Variants in TBC1D2B observed in about 807,000 individuals in gnomAD.
TBC1D2B encodes the protein TBC1 domain family member 2B, also known as TBC1 domain family, member 2B.
Under a neutral mutation model 100.8 loss-of-function variants are expected in TBC1D2B, and 64 were observed. The ratio of observed to expected loss-of-function variants is 0.64; its 90% CI spans 0.52 to 0.78. The LOEUF (loss-of-function observed/expected upper bound fraction) is 0.78, where lower values mean the gene tolerates loss of function less well. Ranked by LOEUF, TBC1D2B falls within the 30% of genes least tolerant of loss-of-function variation. The pLI is 0.00. For missense variants in TBC1D2B, 1,052 were observed against 1,218.4 expected (o/e 0.86, Z 2.03); for synonymous variants, 480 against 479.7 (o/e 1.00, Z -0.01).
intron 11 of TBC1D2B, 184 bp downstream of exon 11, chr15:78,003,121 A>G: frequency 1.8e-6 from 1 of 568,610 alleles, no homozygotes; most frequent in Admixed American, 3.0e-5. Context: ...TTTCTGATAC[A>G]TGAACAAATG....
intron 9 of TBC1D2B, among the ~76,000 whole-genome samples, chr15:78,011,160 C>T (rs2072212293): frequency 1.3e-5 from 2 of 152,140 alleles, no homozygotes; most frequent in Non-Finnish European, 2.9e-5. Flanking sequence ...TCCCTTTCAC[C>T]TTCTGAGGGC....
At chr15:78,053,617 G>A (rs2073359988) in intron 2 of TBC1D2B, among the ~76,000 whole-genome samples, 1 of 152,240 alleles carries the variant, frequency 6.6e-6, no homozygotes, top group African/African-American at 2.4e-5. Context: ...AGAAACACTA[G>A]AGAATTACAA....
chr15:78,030,001 T>C lies in TBC1D2B; in HGVS notation c.847+6A>G, dbSNP rs1408107114. 2 of 1,604,218 alleles carry C rather than the reference T, an allele frequency of 1.2e-6. No homozygotes were observed. Among genetic ancestry groups the C allele is most frequent in the Admixed American group, 1.7e-5 (1 of 58,026 alleles). On this transcript the variant is annotated splice_donor_region_variant and intron_variant, in intron 4 of 12. Coordinates refer to ENST00000300584, the MANE Select transcript of TBC1D2B (RefSeq NM_144572.2). ...GAATGACAGACAACAGGAAGTACAT[T>C]GATACCTTTGTTTCCTTCAGGGGTC...
At chr15:78,065,893 T>A in intron 1 of TBC1D2B, 1 of 388,100 alleles carries the variant, frequency 2.6e-6, no homozygotes, top group Admixed American at 2.5e-5. Flanking sequence ...TTTACAGGAA[T>A]GTTTGGGAAC....
chr15:78,003,221 T>C (rs1454040162), intron 11 of TBC1D2B, 84 bp downstream of exon 11: 2 of 1,291,344 alleles, frequency 1.5e-6, no homozygotes, highest in Non-Finnish European at 2.2e-6. Context: ...AAGTTCCAGG[T>C]GAGCCAGCCG....
intron 1 of TBC1D2B, among the ~76,000 whole-genome samples, chr15:78,072,596 A>T (rs1035972341): frequency 2.6e-5 from 4 of 152,250 alleles, no homozygotes; most frequent in African/African-American, 9.6e-5. Context: ...GAATAGGGGT[A>T]CACAGCTATT....
At position 78,040,851 on chromosome 15, in the gene TBC1D2B, A is replaced by AAAGGAAGG. The variant is rs1188570411; in HGVS notation, c.683+4048_683+4049insCCTTCCTT. Among the ~76,000 whole-genome samples the AAAGGAAGG allele has an allele frequency of 6.3e-4, 85 of 134,304 alleles. 2 individuals carry two copies. The highest frequency in any genetic ancestry group is 9.2e-4 in the Admixed American group (12 of 13,038). The allele number at this position is 134,304 out of a possible 152,430, so 88.1% of individuals were successfully genotyped here. On this transcript the variant is annotated intron_variant, in intron 3 of 12. Transcript: ENST00000300584. ...GGAAAGAAAGAAAAAAGAAAGAAAG[A>AAAGGAAGG]AAGGAAGAAAGAAAGAAAGAAAGAA...
intron 1 of TBC1D2B, among the ~76,000 whole-genome samples, chr15:78,058,039 C>T (rs1486483049): frequency 2.6e-5 from 4 of 152,320 alleles, no homozygotes; most frequent in African/African-American, 7.2e-5. Flanking sequence ...CCTAGCCAGA[C>T]GTGACTACTG....
chr15:78,027,829 C>T (rs569893599), intron 4 of TBC1D2B, among the ~76,000 whole-genome samples: 6 of 152,330 alleles, frequency 3.9e-5, no homozygotes, highest in Non-Finnish European at 7.3e-5. Flanking sequence ...ATTATCAGCT[C>T]GTACTGAGCC....
At position 78,013,011 on chromosome 15, in the gene TBC1D2B, G is replaced by A; in HGVS notation, c.2082C>T (p.Thr694=). 6.2e-7 allele frequency: 1 copy of A among 1,605,098 alleles called. No individual in the cohort carries two copies. Among genetic ancestry groups the A allele is most frequent in the Non-Finnish European group, 8.5e-7 (1 of 1,172,614 alleles). The change falls in exon 9 of 13, where the codon ACC becomes ACT. Residue 694 remains threonine (T), a synonymous_variant. Transcript: ENST00000300584. ...GTTTCTCCAGCGCCTTCTGCAGCAAGGTCTGGAAGTGGCCAGGCTCAGTGT... is the reference window on the plus strand; with the variant it reads ...GTTTCTCCAGCGCCTTCTGCAGCAAAGTCTGGAAGTGGCCAGGCTCAGTGT... ...KDNTEPGHFQ[T]LLQKALEKQN...
intron 10 of TBC1D2B, among the ~76,000 whole-genome samples, chr15:78,004,487 C>A (rs1031597585): frequency 2.0e-5 from 3 of 152,244 alleles, no homozygotes; most frequent in Non-Finnish European, 2.9e-5. Flanking sequence ...GGAGTCAAGA[C>A]GCTATCCTGT....
chr15:78,009,495 G>A (rs933372086), intron 9 of TBC1D2B, among the ~76,000 whole-genome samples: 2 of 151,340 alleles, frequency 1.3e-5, no homozygotes, highest in East Asian at 1.9e-4. Flanking sequence ...AATGATAATC[G>A]CACTACTGCA....
rs373541654 is a variant in TBC1D2B, at chr15:78,024,248, C to G, written c.1378G>C (p.Gly460Arg). Residue 460 changes from glycine to arginine, a missense_variant, in exon 6 of 13, where the codon GGC (glycine) becomes CGC (arginine). Gly to Arg is a moderately radical substitution (Grantham distance 125, BLOSUM62 -2). Around this residue, in one of 4 missense-constraint regions of TBC1D2B, gnomAD observed 627 missense variants for 646.1 expected, o/e 0.97. Coordinates refer to ENST00000300584, the MANE Select transcript of TBC1D2B (RefSeq NM_144572.2). ...GTGGGAGGAGGCCCGTTGCCCTCGC[C>G]CTCGCTGAGCTTGATGATGACCTCG... The part of the protein sequence containing the change: ...KDEVIIKLSE[G>R]EGNGPPPTVA... 1 of 1,613,960 alleles carries G rather than the reference C, an allele frequency of 6.2e-7. No homozygotes were observed. Among genetic ancestry groups the G allele is most frequent in the Non-Finnish European group, 8.5e-7 (1 of 1,179,880 alleles).
At chr15:77,998,612 C>A (rs2071828059) in intron 12 of TBC1D2B, 1 of 441,818 alleles carries the variant, frequency 2.3e-6, no homozygotes, top group Non-Finnish European at 4.1e-6. Context: ...AGTCACCCCC[C>A]TTTTCTGGCC....
intron 11 of TBC1D2B, 162 bp downstream of exon 11, chr15:78,003,143 C>T: frequency 1.7e-6 from 1 of 601,674 alleles, no homozygotes; most frequent in Non-Finnish European, 2.9e-6. Context: ...CTGTGGTTTC[C>T]TGATACCCTG....
chr15:78,000,324 C>T (rs868470653), intron 12 of TBC1D2B, among the ~76,000 whole-genome samples: 14 of 152,226 alleles, frequency 9.2e-5, no homozygotes, highest in African/African-American at 2.7e-4. Flanking sequence ...CGCCCACTCA[C>T]CTCCGCTCCT....
chr15:78,031,831 T>A (rs2072823642), intron 3 of TBC1D2B, among the ~76,000 whole-genome samples: 1 of 152,144 alleles, frequency 6.6e-6, no homozygotes, highest in African/African-American at 2.4e-5. Flanking sequence ...AAACCATGGT[T>A]TTTGGATATT....
Position 77,995,214 on chromosome 15 carries a change from C to T in TBC1D2B, c.*2946G>A, listed in dbSNP as rs1224391378. ...GGCAGGCCCAGCTGCCCAGAAGCCC[C>T]GGAACACACAGGAAGACAACACTAT... On this transcript the variant is annotated 3_prime_UTR_variant, in exon 13 of 13. Coordinates refer to ENST00000300584, the MANE Select transcript of TBC1D2B (RefSeq NM_144572.2). The T allele has an allele frequency of 6.6e-6, 1 of 152,114 alleles. No individual in the cohort carries two copies. Among genetic ancestry groups the T allele is most frequent in the African/African-American group, 2.4e-5 (1 of 41,432 alleles). The allele number at this position is 152,114 out of a possible 1,614,324, so 9.4% of individuals were successfully genotyped here. A position where few individuals can be genotyped will look rare whatever the true frequency, so the allele number is the denominator to read the frequency against.
chr15:78,024,346 C>G lies in TBC1D2B; in HGVS notation c.1280G>C (p.Arg427Thr), dbSNP rs775860651. ...CTCGCCCACTTTGCTCTTCAGCGTC[C>G]TTACTTCCTGCTGAAGACTCTCCTT... ...LEKESLQQEV[R>T]TLKSKVGELN... is the part of the protein sequence containing the mutation. Residue 427 changes from arginine to threonine, a missense_variant, in exon 6 of 13, where the codon AGG (arginine) becomes ACG (threonine). By Grantham distance (71) the Arg-to-Thr change is moderately conservative. Transcript: ENST00000300584. The G allele has an allele frequency of 1.9e-6, 3 of 1,614,080 alleles. No homozygotes were observed. The highest frequency in any genetic ancestry group is 3.3e-4 in the Middle Eastern group (2 of 6,062).
Sources: gnomAD v4.1 joint callset for allele counts (sites outside exome capture counted in the v4.1 genomes callset) on GRCh38, gnomAD v4.1.1 for gene constraint, gnomAD v4.1.1 regional missense constraint, MANE v1.5 for transcripts, NCBI Gene and HGNC (gene_info 2026-07-23, HGNC 2026-07-21) for gene names.